Variants in SLC24A1 observed in about 807,000 individuals in gnomAD.
SLC24A1 encodes sodium/potassium/calcium exchanger 1.
SLC24A1 carries 52 observed loss-of-function variants against 88.1 expected under a neutral mutation model. That is an observed-to-expected ratio of 0.59 (90% confidence interval 0.47 to 0.74). SLC24A1 has a LOEUF of 0.74. Ranked by LOEUF, SLC24A1 falls within the 30% of genes least tolerant of loss-of-function variation. SLC24A1 has a pLI of 0.00. For synonymous variants in SLC24A1, 455 were observed against 498.0 expected (o/e 0.91, Z 1.15); for missense variants, 1,173 against 1,363.3 (o/e 0.86, Z 2.20).
chr15:65,635,270 A>G (rs796631576), intron 2 of SLC24A1, among the ~76,000 whole-genome samples: 41 of 151,930 alleles, frequency 2.7e-4, no homozygotes, highest in African/African-American at 9.6e-4. Context: ...TCACAAGGTC[A>G]GGAGATCAAG....
At chr15:65,643,771 G>A (rs1279367618) in intron 4 of SLC24A1, among the ~76,000 whole-genome samples, 1 of 152,240 alleles carries the variant, frequency 6.6e-6, no homozygotes, top group African/African-American at 2.4e-5. Context: ...TCTGAAGGAG[G>A]CCCTTCTCGG....
intron 2 of SLC24A1, among the ~76,000 whole-genome samples, chr15:65,615,051 A>C (rs2074092451): frequency 1.3e-5 from 2 of 152,154 alleles, no homozygotes; most frequent in South Asian, 2.1e-4. Flanking sequence ...CCTTGTCTCT[A>C]CAAAAATTAA....
rs1429541732 is a variant in SLC24A1, at chr15:65,624,199, A to G, written c.119A>G (p.His40Arg). ...GMLIIGSTYQHLRRPRGLSSL... is the reference protein window; with the variant it reads ...GMLIIGSTYQRLRRPRGLSSL... ...TTGATCATCGGTTCTACTTATCAGCACCTTAGGAGACCCCGGGGCCTTTCC... is the reference window on the plus strand; with the variant it reads ...TTGATCATCGGTTCTACTTATCAGCGCCTTAGGAGACCCCGGGGCCTTTCC... Residue 40 changes from histidine (H) to arginine (R), a missense_variant, in exon 2 of 10, where the codon CAC becomes CGC. Transcript: ENST00000261892. The G allele has an allele frequency of 6.2e-7, 1 of 1,613,666 alleles. No individual in the cohort carries two copies. The highest frequency in any genetic ancestry group is 8.5e-7 in the Non-Finnish European group (1 of 1,179,840).
At position 65,645,712 on chromosome 15, in the gene SLC24A1, C is replaced by A; in HGVS notation, c.2232+9C>A. ...AGAATCCAGGCGGTCAGGTAGGCAC[C>A]CAGCCTTGGCACAGACAAAATTGGA... On this transcript the variant is annotated intron_variant, in intron 6 of 9. Transcript: ENST00000261892. 7 of 1,556,436 alleles carry A rather than the reference C, an allele frequency of 4.5e-6. No homozygotes were observed. The highest frequency in any genetic ancestry group is 2.4e-5 in the East Asian group (1 of 41,608).
At chr15:65,644,357 C>T (rs1009741068) in intron 4 of SLC24A1, 70 bp from the exon 5 acceptor site, 2 of 1,107,916 alleles carry the variant, frequency 1.8e-6, no homozygotes, top group African/African-American at 3.1e-5. Context: ...GCTGACTGTC[C>T]TAACTGAAAG....
chr15:65,615,242 G>A (rs539015742), intron 2 of SLC24A1, among the ~76,000 whole-genome samples: 1 of 151,994 alleles, frequency 6.6e-6, no homozygotes, highest in South Asian at 2.1e-4. Context: ...AAAATGCTAT[G>A]AAGTCTAAAT....
At chr15:65,657,058 A>G (rs557012977), downstream of SLC24A1, among the ~76,000 whole-genome samples, 1 of 151,950 alleles carries the variant, frequency 6.6e-6, no homozygotes, top group Admixed American at 6.6e-5. Context: ...TTTTGTAGAG[A>G]TAGGGTTTTG....
intron 4 of SLC24A1, among the ~76,000 whole-genome samples, chr15:65,641,171 G>A (rs1042481480): frequency 5.3e-5 from 8 of 152,076 alleles, no homozygotes; most frequent in Non-Finnish European, 1.0e-4. Flanking sequence ...TCAAGAAATC[G>A]AGAGCATCCT....
chr15:65,650,897 C>T lies in SLC24A1; in HGVS notation c.2748C>T (p.Pro916=). ...AGGCCATTTACCTCTTCCTTCTGCC[C>T]ATCGTGTTCCCACTGTGGCTGACAG... The part of the protein sequence containing the change: ...QKQAIYLFLL[P]IVFPLWLTVP... Residue 916 remains proline (P), a synonymous_variant, in exon 7 of 10, where the codon CCC becomes CCT. Transcript: ENST00000261892. The surrounding 1 kb of genome is among the most constrained non-coding windows in gnomAD (Gnocchi z 4.1). 1.9e-6 allele frequency: 3 copies of T among 1,613,918 alleles called. No homozygotes were observed. Among genetic ancestry groups the T allele is most frequent in the South Asian group, 1.1e-5 (1 of 91,072 alleles).
chr15:65,611,794 C>A (rs1555401279), intron 1 of SLC24A1: 1 of 152,248 alleles, frequency 6.6e-6, no homozygotes, highest in Non-Finnish European at 1.5e-5. Context: ...TACTAAAATA[C>A]AAAAATTAGC....
intron 2 of SLC24A1, among the ~76,000 whole-genome samples, chr15:65,612,822 T>C (rs889411828): frequency 3.9e-5 from 6 of 152,218 alleles, no homozygotes; most frequent in African/African-American, 1.2e-4. Flanking sequence ...CTTAAGTTAG[T>C]TCACTGATGG....
Position 65,650,965 on chromosome 15 carries a change from CAG to C in SLC24A1, c.2793+25_2793+26del, listed in dbSNP as rs2075482926. ...CAGGTGAGTGTGCCCATCTGTATCT[CAG>C]ACTCTTTATCCCCAGCAGGGCTGTG... is the stretch of plus-strand genomic sequence containing the variant. On this transcript the variant is annotated intron_variant, in intron 7 of 9. Coordinates refer to ENST00000261892, the MANE Select transcript of SLC24A1 (RefSeq NM_004727.3). The surrounding 1 kb of genome is among the most constrained non-coding windows in gnomAD (Gnocchi z 4.1). 1 of 1,603,792 alleles carries C rather than the reference CAG, an allele frequency of 6.2e-7. No individual in the cohort carries two copies. Among genetic ancestry groups the C allele is most frequent in the East Asian group, 2.2e-5 (1 of 44,818 alleles).
chr15:65,614,434 T>G (rs2074070577), intron 2 of SLC24A1, among the ~76,000 whole-genome samples: 2 of 152,242 alleles, frequency 1.3e-5, no homozygotes, highest in Non-Finnish European at 2.9e-5. Context: ...TTTTACTTTT[T>G]TACACTTTGG....
In SLC24A1 at chr15:65,624,680, C is replaced by T. The variant is rs775927007; in HGVS notation, c.600C>T (p.Tyr200=). The T allele has an allele frequency of 1.1e-5, 17 of 1,601,852 alleles. No homozygotes were observed. Among genetic ancestry groups the T allele is most frequent in the East Asian group, 6.8e-5 (3 of 44,370 alleles). The part of the protein sequence containing the change: ...PSPRGRRVGT[Y]VPSTFMTMET... ...CACGTGGTAGAAGAGTAGGCACTTA[C>T]GTGCCGTCCACATTCATGACAATGG... Residue 200 remains tyrosine (Y), a synonymous_variant, in exon 2 of 10, where the codon TAC becomes TAT. Coordinates refer to ENST00000261892, the MANE Select transcript of SLC24A1 (RefSeq NM_004727.3).
Position 65,655,817 on chromosome 15 carries a change from A to G in SLC24A1, c.*1738A>G. 3.0e-6 allele frequency: 3 copies of G among 984,882 alleles called. No individual in the cohort carries two copies. Among genetic ancestry groups the G allele is most frequent in the Non-Finnish European group, 3.6e-6 (3 of 829,440 alleles). 61.0% of individuals were successfully genotyped at this position (984,882 alleles called of 1,614,324 possible). A position where few individuals can be genotyped will look rare whatever the true frequency, so the allele number is the denominator to read the frequency against. The stretch of plus-strand genomic sequence containing the variant: ...ACCCCAGGATTCTCATTCTTTGGAA[A>G]TAATTTTTATTAAATTTCAATAAAC... On this transcript the variant is annotated 3_prime_UTR_variant, in exon 10 of 10. Transcript: ENST00000261892.
At chr15:65,652,081 C>T in intron 8 of SLC24A1, 1 of 380,298 alleles carries the variant, frequency 2.6e-6, no homozygotes, top group South Asian at 2.2e-5. Flanking sequence ...CCTACGCATT[C>T]TGAGAGCCAG....
chr15:65,638,299 C>A, intron 3 of SLC24A1, 118 bp downstream of exon 3: 1 of 722,940 alleles, frequency 1.4e-6, no homozygotes, highest in Non-Finnish European at 2.4e-6. Context: ...GCCTAGGAAA[C>A]TCCTGGGAGC....
intron 2 of SLC24A1, among the ~76,000 whole-genome samples, chr15:65,636,306 C>A (rs118017634): frequency 6.6e-6 from 1 of 152,106 alleles, no homozygotes; most frequent in Non-Finnish European, 1.5e-5. Context: ...AACAAAAAAA[C>A]GTAGCCAGTC....
At chr15:65,635,465 A>AAAC (rs1596323414) in intron 2 of SLC24A1, among the ~76,000 whole-genome samples, 2 of 143,718 alleles carry the variant, frequency 1.4e-5, no homozygotes, top group Non-Finnish European at 3.0e-5. Flanking sequence ...AAAAAAAAAA[A>AAAC]AAAAAGAAAA....
Sources: gnomAD v4.1 joint callset for allele counts (sites outside exome capture counted in the v4.1 genomes callset) on GRCh38, gnomAD v4.1.1 for gene constraint, Gnocchi (gnomAD v3.1) non-coding constraint, MANE v1.5 for transcripts, NCBI Gene and HGNC (gene_info 2026-07-23, HGNC 2026-07-21) for gene names.